The following AKAP8L variants were observed in gnomAD, a reference collection of about 807,000 sequenced individuals.
AKAP8L encodes A-kinase anchor protein 8-like.
In AKAP8L, 34 loss-of-function variants were observed where a neutral mutation model predicts 77.5. The ratio of observed to expected loss-of-function variants is 0.44; its 90% CI spans 0.33 to 0.58. The LOEUF (loss-of-function observed/expected upper bound fraction) is 0.58, where lower values mean the gene tolerates loss of function less well. Among genes scored for constraint, AKAP8L ranks in the 20% least tolerant of loss-of-function variants. The pLI, the probability that AKAP8L is intolerant of heterozygous loss-of-function variation, is 0.02. For missense variants in AKAP8L, 806 were observed against 887.6 expected, an observed-to-expected ratio of 0.91 and a Z score of 1.17; for synonymous variants, 342 against 340.7, an observed-to-expected ratio of 1.00 and a Z score of -0.04.
At chr19:15,382,502 C>G (rs1967440807) in intron 12 of AKAP8L, among the ~76,000 whole-genome samples, 1 of 152,280 alleles carries the variant, frequency 6.6e-6, no homozygotes, top group East Asian at 1.9e-4. Context: ...CACGCCCAGC[C>G]AAATTTTCTA....
rs770530550 is a variant in AKAP8L, at chr19:15,380,412, C to A, written c.1651G>T (p.Asp551Tyr). 3 of 1,599,552 alleles carry A rather than the reference C, an allele frequency of 1.9e-6. No homozygotes were observed. The highest frequency in any genetic ancestry group is 2.6e-6 in the Non-Finnish European group (3 of 1,174,176). ...RYLKGENPFT[D>Y]SPEEEKEQEE... is the part of the protein sequence containing the mutation. ...TGCTCCTTCTCCTCCTCGGGGCTGTCGGTGAAAGGGTTCTCGCCCTGTGGG... is the reference window on the plus strand; with the variant it reads ...TGCTCCTTCTCCTCCTCGGGGCTGTAGGTGAAAGGGTTCTCGCCCTGTGGG... Residue 551 changes from aspartate (D) to tyrosine (Y), a missense_variant, in exon 14 of 14, where the codon GAC becomes TAC. Transcript: ENST00000397410.
In AKAP8L at chr19:15,380,268, C is replaced by T; in HGVS notation, c.1795G>A (p.Ala599Thr). The T allele has an allele frequency of 6.6e-7, 1 of 1,515,934 alleles. No homozygotes were observed. Among genetic ancestry groups the T allele is most frequent in the Non-Finnish European group, 8.8e-7 (1 of 1,140,136 alleles). 93.9% of individuals were successfully genotyped at this position (1,515,934 alleles called of 1,614,324 possible). Residue 599 changes from alanine to threonine, a missense_variant, in exon 14 of 14, where the codon GCC (alanine) becomes ACC (threonine). Physicochemically the swap from Ala to Thr is moderately conservative, Grantham distance 58. Transcript: ENST00000397410. ...GGCGGCGGCGGTGGCGGCGACACGGCCCCGGGGGCTGGCTCTGGGGGCACG... is the reference window on the plus strand; with the variant it reads ...GGCGGCGGCGGTGGCGGCGACACGGTCCCGGGGGCTGGCTCTGGGGGCACG... Reference protein sequence around the residue: ...PPVPPEPAPGAVSPPPPPPPE... With the variant: ...PPVPPEPAPGTVSPPPPPPPE...
At chr19:15,393,253 G>T (rs7253129) in intron 12 of AKAP8L, among the ~76,000 whole-genome samples, 1 of 152,018 alleles carries the variant, frequency 6.6e-6, no homozygotes, top group African/African-American at 2.4e-5. Flanking sequence ...AGAAAACACA[G>T]GGGTAAATCT....
At chr19:15,380,675 AC>A in intron 12 of AKAP8L, 63 bp from the exon 13 acceptor site, 1 of 1,539,042 alleles carries the variant, frequency 6.5e-7, no homozygotes, top group South Asian at 1.1e-5. Context: ...TGCTGCCCCG[AC>A]CCTGCCAGCT....
intron 1 of AKAP8L, among the ~76,000 whole-genome samples, chr19:15,413,480 C>T (rs923566697): frequency 3.3e-5 from 5 of 152,106 alleles, no homozygotes; most frequent in East Asian, 1.9e-4. Context: ...AGGATAAAAC[C>T]GAGGGTATAC....
chr19:15,387,810 T>G (rs1025815229), intron 12 of AKAP8L, among the ~76,000 whole-genome samples: 3 of 152,074 alleles, frequency 2.0e-5, no homozygotes, highest in African/African-American at 7.2e-5. Context: ...AATACAAAAA[T>G]TAGCCGGGCG....
Position 15,400,997 on chromosome 19 carries a change from T to C in AKAP8L, c.863A>G (p.Asp288Gly), listed in dbSNP as rs757519967. Residue 288 changes from aspartate (D) to glycine (G), a missense_variant, in exon 6 of 14, where the codon GAT (aspartate) becomes GGT (glycine). Asp to Gly is a moderately conservative substitution (Grantham distance 94). Around this residue, in one of 2 missense-constraint regions of AKAP8L, gnomAD observed 580 missense variants for 694.1 expected, o/e 0.84. Coordinates refer to ENST00000397410, the MANE Select transcript of AKAP8L (RefSeq NM_014371.4). The part of the protein sequence containing the change: ...RKQGGSPDEP[D>G]SKATRTDCSD... ...GCAGTCCGTGCGGGTGGCTTTGCTA[T>C]CTGGCTCATCAGGACTGCCGCCCTG... The C allele has an allele frequency of 6.2e-7, 1 of 1,613,976 alleles. No individual in the cohort carries two copies. The highest frequency in any genetic ancestry group is 1.1e-5 in the South Asian group (1 of 91,078).
Position 15,401,371 on chromosome 19 carries a change from G to A in AKAP8L, c.595C>T (p.Arg199Cys), listed in dbSNP as rs777700296. Residue 199 changes from arginine to cysteine, a missense_variant, in exon 5 of 14, where the codon CGC becomes TGC. Arg to Cys is a radical substitution (Grantham distance 180). This residue lies in a region of AKAP8L where 580 missense variants were observed against 694.1 expected (regional missense o/e 0.84). Coordinates refer to ENST00000397410, the MANE Select transcript of AKAP8L (RefSeq NM_014371.4). The surrounding 1 kb of genome is among the most constrained non-coding windows in gnomAD (Gnocchi z 6.2). ...SGRPMASGYG[R>C]MWEDPMGARG... ...GCCCCCATGGGGTCTTCCCACATGC[G>A]CCCATAGCCTGAGGCCATTGGCCGG... 1.2e-5 allele frequency: 19 copies of A among 1,613,078 alleles called. No individual in the cohort carries two copies. The highest frequency in any genetic ancestry group is 1.1e-4 in the East Asian group (5 of 44,880).
rs762203464 is a variant in AKAP8L at position 15,397,593 on chromosome 19, C to G, written c.1332G>C (p.Glu444Asp). The change falls in exon 11 of 14, where the codon GAG (glutamate) becomes GAC (aspartate). Residue 444 changes from glutamate (E) to aspartate (D), a missense_variant. Glu to Asp is a conservative substitution (Grantham distance 45). Around this residue, in one of 2 missense-constraint regions of AKAP8L, gnomAD observed 580 missense variants for 694.1 expected, o/e 0.84. Coordinates refer to ENST00000397410, the MANE Select transcript of AKAP8L (RefSeq NM_014371.4). This position sits in a 1 kb window ranked among gnomAD's most constrained non-coding sequence, Gnocchi z 4.7. ...GGTCCTCCACGGTTTTTCGGAGCTC[C>G]TCTGTCTTCTTGGTCTTGTTAGTGA... ...EYVTNKTKKT[E>D]ELRKTVEDLD... is the part of the protein sequence containing the mutation. The G allele has an allele frequency of 6.8e-6, 11 of 1,613,786 alleles. No homozygotes were observed. In the African/African-American group the frequency reaches 1.5e-4, roughly 22 times the overall value.
chr19:15,387,506 T>C lies in AKAP8L; in HGVS notation c.1537-6894A>G, dbSNP rs559692489. Among the ~76,000 whole-genome samples, 71 of 151,744 alleles carry C rather than the reference T, an allele frequency of 4.7e-4. 1 individual carries two copies. The South Asian group carries it at 6.2e-3, about 13-fold the overall frequency. On this transcript the variant is annotated intron_variant, in intron 12 of 13. Coordinates refer to ENST00000397410, the MANE Select transcript of AKAP8L (RefSeq NM_014371.4). ...ACTGATAGCTTTGTCCTTTTTTTTT[T>C]CCCCCACCACACAGCCATAAAAAAG... is the stretch of plus-strand genomic sequence containing the variant.
chr19:15,391,457 C>CAAA lies in AKAP8L; in HGVS notation c.1536+5690_1536+5692dup, dbSNP rs1163781609. 0.018 allele frequency among the ~76,000 whole-genome samples: 622 copies of CAAA among 34,804 alleles called. 144 individuals carry two copies. The East Asian group carries it at 0.23, about 13-fold the overall frequency. The allele number at this position is 34,804 out of a possible 152,430, so 22.8% of individuals were successfully genotyped here. A position where few individuals can be genotyped will look rare whatever the true frequency, so the allele number is the denominator to read the frequency against. On this transcript the variant is annotated intron_variant, in intron 12 of 13. Transcript: ENST00000397410. Reference sequence around the variant, plus strand: ...AGGGCGACAGAGTGAGACTCTGTCTCAAAAAAAAAAAAAAAAAAAAAAAAT... The same window carrying CAAA: ...AGGGCGACAGAGTGAGACTCTGTCTCAAAAAAAAAAAAAAAAAAAAAAAAAAAT...
chr19:15,409,187 G>GACAC (rs1968060879), intron 2 of AKAP8L, among the ~76,000 whole-genome samples: 1 of 152,186 alleles, frequency 6.6e-6, no homozygotes, highest in African/African-American at 2.4e-5. Context: ...CACAAGACAA[G>GACAC]ACACACTGAC....
chr19:15,404,249 T>A (rs1213360810), intron 2 of AKAP8L: 1 of 583,990 alleles, frequency 1.7e-6, no homozygotes. Flanking sequence ...TGAGCATCTG[T>A]TATTTAAGGA....
At position 15,399,264 on chromosome 19, in the gene AKAP8L, G is replaced by A. The variant is rs752741905; in HGVS notation, c.1157+38C>T. The stretch of plus-strand genomic sequence containing the variant: ...CTGCTCTCCTGGCGGCAGCCCCACA[G>A]CGAGGCAGAGGCAGAGGGGTGGAGG... On this transcript the variant is annotated intron_variant, in intron 9 of 13. Transcript: ENST00000397410. The surrounding 1 kb of genome is among the most constrained non-coding windows in gnomAD (Gnocchi z 6.1). 6.4e-7 allele frequency: 1 copy of A among 1,571,940 alleles called. No individual in the cohort carries two copies. Among genetic ancestry groups the A allele is most frequent in the South Asian group, 1.1e-5 (1 of 90,250 alleles).
chr19:15,399,259 C>T lies in AKAP8L; in HGVS notation c.1157+43G>A. ...TGGCCCTGCTCTCCTGGCGGCAGCC[C>T]CACAGCGAGGCAGAGGCAGAGGGGT... is the stretch of plus-strand genomic sequence containing the variant. On this transcript the variant is annotated intron_variant, in intron 9 of 13. Transcript: ENST00000397410. This position sits in a 1 kb window ranked among gnomAD's most constrained non-coding sequence, Gnocchi z 6.1. 6.4e-7 allele frequency: 1 copy of T among 1,564,068 alleles called. No individual in the cohort carries two copies.
In AKAP8L at chr19:15,398,129, C is replaced by T; in HGVS notation, c.1158-274G>A. On this transcript the variant is annotated intron_variant, in intron 9 of 13. Coordinates refer to ENST00000397410, the MANE Select transcript of AKAP8L (RefSeq NM_014371.4). The surrounding 1 kb of genome is among the most constrained non-coding windows in gnomAD (Gnocchi z 9.2). ...AAGCCTGAGACAGCAGCTGCTGCAA[C>T]AGGCAACGAGTCGCTGGAAAGTTGC... The T allele has an allele frequency of 2.1e-6, 1 of 482,806 alleles. No individual in the cohort carries two copies. The highest frequency in any genetic ancestry group is 3.8e-6 in the Non-Finnish European group (1 of 264,890). 29.9% of individuals were successfully genotyped at this position (482,806 alleles called of 1,614,324 possible). A position where few individuals can be genotyped will look rare whatever the true frequency, so the allele number is the denominator to read the frequency against.
At chr19:15,381,423 T>A (rs1431282227) in intron 12 of AKAP8L, among the ~76,000 whole-genome samples, 1 of 152,218 alleles carries the variant, frequency 6.6e-6, no homozygotes, top group Non-Finnish European at 1.5e-5. Flanking sequence ...AGCCATTTTG[T>A]CTGGAAGGAT....
chr19:15,415,549 G>A (rs1040702602), intron 1 of AKAP8L, among the ~76,000 whole-genome samples: 6 of 151,674 alleles, frequency 4.0e-5, no homozygotes, highest in African/African-American at 1.5e-4. Context: ...GGAGTGCAAT[G>A]GCATGATCAT....
intron 12 of AKAP8L, among the ~76,000 whole-genome samples, chr19:15,395,317 T>A (rs1967747295): frequency 6.7e-6 from 1 of 150,372 alleles, no homozygotes. Context: ...TTGTTTTGGT[T>A]TTTTTGTTTT....
Sources: gnomAD v4.1 joint callset for allele counts (sites outside exome capture counted in the v4.1 genomes callset) on GRCh38, gnomAD v4.1.1 for gene constraint, gnomAD v4.1.1 regional missense constraint, Gnocchi (gnomAD v3.1) non-coding constraint, MANE v1.5 for transcripts, NCBI Gene and HGNC (gene_info 2026-07-23, HGNC 2026-07-21) for gene names.